BCL7A: variants seen among roughly 807,000 people sequenced by gnomAD.
BCL7A encodes the protein BAF chromatin remodeling complex subunit BCL7A.
A neutral mutation model predicts 28.4 loss-of-function variants in BCL7A; 11 were observed. That is an observed-to-expected ratio of 0.39 (90% CI 0.24 to 0.64). The LOEUF (loss-of-function observed/expected upper bound fraction) is 0.64, where lower values mean the gene tolerates loss of function less well. Ranked by LOEUF, BCL7A falls within the 30% of genes least tolerant of loss-of-function variation. BCL7A has a pLI of 0.50. For synonymous variants in BCL7A, 123 were observed against 103.3 expected (o/e 1.19, Z -1.15); for missense variants, 222 against 274.8 (o/e 0.81, Z 1.36).
rs1883697032 is a variant in BCL7A, at chr12:122,029,493, A to C, written c.93-1207A>C. Among the ~76,000 whole-genome samples, 1 of 152,244 alleles carries C rather than the reference A, an allele frequency of 6.6e-6. No individual in the cohort carries two copies. The highest frequency in any genetic ancestry group is 1.5e-5 in the Non-Finnish European group (1 of 68,038). On this transcript the variant is annotated intron_variant, in intron 1 of 5. Transcript: ENST00000261822. The surrounding 1 kb of genome is among the most constrained non-coding windows in gnomAD (Gnocchi z 4.3). ...AAAAGGTGCCAGGCAGCTCACGGACAGAGGTGCTCGTGCCACACAGAATTC... is the reference window on the plus strand; with the variant it reads ...AAAAGGTGCCAGGCAGCTCACGGACCGAGGTGCTCGTGCCACACAGAATTC...
rs566276447 is a variant in BCL7A at position 122,044,802 on chromosome 12, G to C, written c.439+749G>C. Among the ~76,000 whole-genome samples the C allele has an allele frequency of 1.6e-4, 25 of 152,208 alleles. 1 individual carries two copies. The South Asian group carries it at 3.5e-3, about 21-fold the overall frequency. On this transcript the variant is annotated intron_variant, in intron 4 of 5. Transcript: ENST00000261822. ...GATCACACAACTGAACTCCAGCCTG[G>C]GTGACAGAGTGAGACCCTGGCTCAA... is the stretch of plus-strand genomic sequence containing the variant.
rs1309048751 is a variant in BCL7A at position 122,029,674 on chromosome 12, G to A, written c.93-1026G>A. ...CAGTGGCTCCTTGGTGGCCTCGCAG[G>A]TCTCCTGATCTGGCAGAGTCTTGAT... On this transcript the variant is annotated intron_variant, in intron 1 of 5. Transcript: ENST00000261822. The surrounding 1 kb of genome is among the most constrained non-coding windows in gnomAD (Gnocchi z 4.3). Among the ~76,000 whole-genome samples, 1 of 152,138 alleles carries A rather than the reference G, an allele frequency of 6.6e-6. No homozygotes were observed. The highest frequency in any genetic ancestry group is 1.5e-5 in the Non-Finnish European group (1 of 68,028).
chr12:122,032,741 A>G (rs1883770206), intron 2 of BCL7A, among the ~76,000 whole-genome samples: 1 of 152,206 alleles, frequency 6.6e-6, no homozygotes, highest in Non-Finnish European at 1.5e-5. Flanking sequence ...AGCAAAAGCA[A>G]TATATCACCA....
At chr12:122,038,579 T>C (rs1289489188) in intron 3 of BCL7A, among the ~76,000 whole-genome samples, 1 of 152,018 alleles carries the variant, frequency 6.6e-6, no homozygotes, top group Non-Finnish European at 1.5e-5. Context: ...ATGTGGCCTG[T>C]CTCAGTGGCA....
chr12:122,046,217 C>T (rs555469239), intron 4 of BCL7A, among the ~76,000 whole-genome samples: 3 of 152,006 alleles, frequency 2.0e-5, no homozygotes, highest in African/African-American at 4.8e-5. Flanking sequence ...GGGGTGAGTG[C>T]GGACCTGAGG....
chr12:122,026,785 G>A (rs917270921), intron 1 of BCL7A, among the ~76,000 whole-genome samples: 1 of 152,202 alleles, frequency 6.6e-6, no homozygotes, highest in Non-Finnish European at 1.5e-5. Context: ...AGTCAGCAGG[G>A]TCCCCTTGAG....
intron 1 of BCL7A, among the ~76,000 whole-genome samples, chr12:122,025,946 C>CAAAAAAAAAAAAAAAAAAAA (rs1204623444): frequency 9.2e-6 from 1 of 108,194 alleles, no homozygotes; most frequent in East Asian, 3.8e-4. Flanking sequence ...GACTCCATCT[C>CAAAAAAAAAAAAAAAAAAAA]AAAAAAAAAA....
chr12:122,054,773 A>G (rs754934233), intron 4 of BCL7A, 32 bp from the exon 5 acceptor site: 35 of 1,604,928 alleles, frequency 2.2e-5, no homozygotes, highest in Non-Finnish European at 3.0e-5. Context: ...ACGTGTCTGA[A>G]AACAGCTCCT....
Position 122,060,108 on chromosome 12 carries a change from G to A in BCL7A, c.*945G>A. ...GCACTGAGTGGGCCGGGGAGGCTGG[G>A]AGCCGGCGGCAGGATTAGCTGGTGC... On this transcript the variant is annotated 3_prime_UTR_variant, in exon 6 of 6. Transcript: ENST00000261822. 4.3e-6 allele frequency: 1 copy of A among 233,330 alleles called. No homozygotes were observed. The allele number at this position is 233,330 out of a possible 1,614,324, so 14.5% of individuals were successfully genotyped here.
At chr12:122,025,955 A>AC (rs896469064) in intron 1 of BCL7A, among the ~76,000 whole-genome samples, 2 of 150,096 alleles carry the variant, frequency 1.3e-5, no homozygotes, top group Non-Finnish European at 3.0e-5. Context: ...TCAAAAAAAA[A>AC]AAAAAAAAAA....
intron 4 of BCL7A, among the ~76,000 whole-genome samples, chr12:122,052,680 T>TTTTTG (rs1056721973): frequency 2.6e-5 from 4 of 151,770 alleles, no homozygotes; most frequent in African/African-American, 7.3e-5. Context: ...ATTGTTTTGT[T>TTTTTG]TTTTGTTTTG....
intron 2 of BCL7A, among the ~76,000 whole-genome samples, chr12:122,035,091 C>T (rs1028093202): frequency 6.6e-6 from 1 of 152,198 alleles, no homozygotes; most frequent in Admixed American, 6.5e-5. Context: ...GGTGCCGGAG[C>T]TGGGCCAGCC....
rs56376395 is a variant in BCL7A at position 122,038,431 on chromosome 12, C to CAAAAA, written c.271+3028_271+3032dup. Among the ~76,000 whole-genome samples, 65 of 33,526 alleles carry CAAAAA rather than the reference C, an allele frequency of 1.9e-3. 1 individual carries two copies. The highest frequency in any genetic ancestry group is 2.4e-3 in the Admixed American group (5 of 2,084). 22.0% of individuals were successfully genotyped at this position (33,526 alleles called of 152,430 possible). A position where few individuals can be genotyped will look rare whatever the true frequency, so the allele number is the denominator to read the frequency against. On this transcript the variant is annotated intron_variant, in intron 3 of 5. Coordinates refer to ENST00000261822, the MANE Select transcript of BCL7A (RefSeq NM_001024808.3). Reference sequence around the variant, plus strand: ...TGGGCAAAGGAGCGAGACTCTGCCTCAAAAAAAAAAAAAAAAAAAAAAAAA... The same window carrying CAAAAA: ...TGGGCAAAGGAGCGAGACTCTGCCTCAAAAAAAAAAAAAAAAAAAAAAAAAAAAAA...
chr12:122,021,943 T>G lies in BCL7A; in HGVS notation c.-149T>G. 1 of 572,410 alleles carries G rather than the reference T, an allele frequency of 1.7e-6. No individual in the cohort carries two copies. The highest frequency in any genetic ancestry group is 3.1e-6 in the Non-Finnish European group (1 of 321,494). 35.5% of individuals were successfully genotyped at this position (572,410 alleles called of 1,614,324 possible). A position where few individuals can be genotyped will look rare whatever the true frequency, so the allele number is the denominator to read the frequency against. ...GTGTGTGTGTGTATGTGTGTGTGTG[T>G]GTGTGTGTGTGTGTGAGTGTGTGCG... On this transcript the variant is annotated 5_prime_UTR_variant, in exon 1 of 6. Transcript: ENST00000261822.
intron 4 of BCL7A, among the ~76,000 whole-genome samples, chr12:122,048,789 G>A (rs1390831378): frequency 6.6e-6 from 1 of 151,926 alleles, no homozygotes; most frequent in Admixed American, 6.6e-5. Context: ...GGAGGCTGAG[G>A]TGGGCAGATC....
intron 3 of BCL7A, among the ~76,000 whole-genome samples, 159 bp from the exon 4 acceptor site, chr12:122,043,727 A>G (rs1593030886): frequency 7.0e-6 from 1 of 141,940 alleles, no homozygotes; most frequent in East Asian, 2.0e-4. Context: ...ACAGAGCGAG[A>G]TCCGTCTCAA....
In BCL7A at chr12:122,030,933, C is replaced by T. The variant is rs182456313; in HGVS notation, c.174+152C>T. ...AGGACCCAGATTAGACCTGGGGAGG[C>T]TGCTGTACCAGTCCCCACCCCTCCC... On this transcript the variant is annotated intron_variant, in intron 2 of 5. Coordinates refer to ENST00000261822, the MANE Select transcript of BCL7A (RefSeq NM_001024808.3). The T allele has an allele frequency of 6.0e-4, 447 of 739,988 alleles. 2 individuals carry two copies. Among genetic ancestry groups the T allele is most frequent in the Admixed American group, 7.8e-4 (32 of 41,074 alleles). The allele number at this position is 739,988 out of a possible 1,614,324, so 45.8% of individuals were successfully genotyped here. A position where few individuals can be genotyped will look rare whatever the true frequency, so the allele number is the denominator to read the frequency against.
chr12:122,039,205 G>A (rs920174939), intron 3 of BCL7A, among the ~76,000 whole-genome samples: 3 of 151,582 alleles, frequency 2.0e-5, no homozygotes, highest in Non-Finnish European at 4.4e-5. Flanking sequence ...GCTGAGGCAA[G>A]AGAATGGCGT....
At chr12:122,035,476 G>A (rs1490753311) in intron 3 of BCL7A, 49 bp downstream of exon 3, 2 of 1,515,472 alleles carry the variant, frequency 1.3e-6, no homozygotes, top group African/African-American at 2.7e-5. Context: ...CGGGGCCTTG[G>A]CCAAGCACTC....
Sources: allele counts gnomAD v4.1 joint callset (sites outside exome capture counted in the v4.1 genomes callset), GRCh38; gene constraint gnomAD v4.1.1; non-coding constraint Gnocchi (gnomAD v3.1); transcripts MANE v1.5; gene names NCBI Gene and HGNC (gene_info 2026-07-23, HGNC 2026-07-21).